PPP4R4: variants seen among roughly 807,000 people sequenced by gnomAD.
PPP4R4 encodes protein phosphatase 4 regulatory subunit 4.
Under a neutral mutation model 121.8 loss-of-function variants are expected in PPP4R4, and 70 were observed. That is an observed-to-expected ratio of 0.57 (90% CI 0.47 to 0.70). The LOEUF is 0.70. Ranked by LOEUF, PPP4R4 falls within the 30% of genes least tolerant of loss-of-function variation. PPP4R4 has a pLI of 0.00. For missense variants in PPP4R4, 875 were observed against 1,033.6 expected (o/e 0.85, Z 2.10); for synonymous variants, 348 against 355.7 (o/e 0.98, Z 0.24).
At chr14:94,174,688 G>A in intron 1 of PPP4R4, 106 bp downstream of exon 1, 1 of 1,462,992 alleles carries the variant, frequency 6.8e-7, no homozygotes, top group Non-Finnish European at 9.0e-7. Context: ...CCTCCGGGCC[G>A]CCGGGACCCT....
chr14:94,186,341 T>C (rs1299880881), intron 2 of PPP4R4, among the ~76,000 whole-genome samples: 1 of 152,248 alleles, frequency 6.6e-6, no homozygotes, highest in African/African-American at 2.4e-5. Flanking sequence ...TCTAGAATTT[T>C]ATAGAAATGG....
intron 3 of PPP4R4, among the ~76,000 whole-genome samples, chr14:94,228,982 A>G (rs370044773): frequency 2.4e-4 from 36 of 152,244 alleles, no homozygotes; most frequent in African/African-American, 8.4e-4. Flanking sequence ...TGAAAGAGGT[A>G]GGGGAGCCAG....
chr14:94,234,412 A>T (rs1892214270), intron 6 of PPP4R4, 150 bp from the exon 7 acceptor site: 1 of 578,796 alleles, frequency 1.7e-6, no homozygotes, highest in African/African-American at 1.9e-5. Flanking sequence ...AAATTTAATA[A>T]CATGTAAAAT....
At chr14:94,241,552 G>A (rs945971943) in intron 9 of PPP4R4, among the ~76,000 whole-genome samples, 10 of 151,862 alleles carry the variant, frequency 6.6e-5, no homozygotes, top group Non-Finnish European at 7.4e-5. Flanking sequence ...CAGTTCCTGC[G>A]TTATGTAAGT....
intron 14 of PPP4R4, among the ~76,000 whole-genome samples, chr14:94,248,326 A>T (rs750739086): frequency 1.3e-5 from 2 of 152,176 alleles, no homozygotes; most frequent in African/African-American, 2.4e-5. Context: ...GCCACAAAAA[A>T]AATATCCAGT....
At chr14:94,241,228 T>C (rs1892617897) in intron 9 of PPP4R4, among the ~76,000 whole-genome samples, 1 of 152,114 alleles carries the variant, frequency 6.6e-6, no homozygotes, top group South Asian at 2.1e-4. Context: ...TTCTTAGCTT[T>C]CCGTATCGAT....
intron 23 of PPP4R4, among the ~76,000 whole-genome samples, chr14:94,268,261 G>A (rs1481710043): frequency 1.3e-5 from 2 of 152,186 alleles, no homozygotes; most frequent in South Asian, 2.1e-4. Context: ...ATGTTCATAA[G>A]GGGTTCTTCA....
intron 3 of PPP4R4, chr14:94,227,346 A>AGG (rs1891772586): frequency 6.2e-7 from 1 of 1,612,320 alleles, no homozygotes; most frequent in Admixed American, 1.7e-5. Context: ...GTTTGTCCAG[A>AGG]GGGTGTGACT....
chr14:94,201,922 A>C (rs1312885729), intron 2 of PPP4R4, among the ~76,000 whole-genome samples: 1 of 148,778 alleles, frequency 6.7e-6, no homozygotes, highest in Non-Finnish European at 1.5e-5. Flanking sequence ...TAGATAAAGA[A>C]AATGTGTGTG....
rs1452859735 is a variant in PPP4R4, at chr14:94,272,854, C to T, written c.2450-2520C>T. 2.6e-5 allele frequency among the ~76,000 whole-genome samples: 4 copies of T among 152,254 alleles called. No homozygotes were observed. The East Asian group carries it at 5.8e-4, about 22-fold the overall frequency. ...TGGGCAAAGACTTGAATAAATACCT[C>T]ACTGAAGAAGATATATAGATGGAAA... On this transcript the variant is annotated intron_variant, in intron 23 of 24. Coordinates refer to ENST00000304338, the MANE Select transcript of PPP4R4 (RefSeq NM_058237.2).
At chr14:94,191,107 A>G (rs1244091100) in intron 2 of PPP4R4, among the ~76,000 whole-genome samples, 1 of 152,208 alleles carries the variant, frequency 6.6e-6, no homozygotes, top group African/African-American at 2.4e-5. Context: ...CAAAAAACCA[A>G]GGATTTATTA....
chr14:94,231,265 A>G lies in PPP4R4; in HGVS notation c.466A>G (p.Thr156Ala). 1 of 1,612,266 alleles carries G rather than the reference A, an allele frequency of 6.2e-7. No individual in the cohort carries two copies. Among genetic ancestry groups the G allele is most frequent in the South Asian group, 1.1e-5 (1 of 90,936 alleles). ...AGGTGTCAGCAATGCATGGCTGGAA[A>G]CTCTTCTGTCTGTTATAGAAGTATT... ...DTGVSNAWLE[T>A]LLSVIEVLPK... Residue 156 changes from threonine to alanine, a missense_variant, in exon 5 of 25, where the codon ACT (threonine) becomes GCT (alanine). Coordinates refer to ENST00000304338, the MANE Select transcript of PPP4R4 (RefSeq NM_058237.2).
intron 2 of PPP4R4, among the ~76,000 whole-genome samples, chr14:94,200,364 C>T (rs61980578): frequency 6.6e-6 from 1 of 152,142 alleles, no homozygotes; most frequent in African/African-American, 2.4e-5. Context: ...CTCAGAGCTC[C>T]AACACAGTGT....
chr14:94,241,450 T>C (rs986201325), intron 9 of PPP4R4, among the ~76,000 whole-genome samples: 1 of 152,086 alleles, frequency 6.6e-6, no homozygotes, highest in Non-Finnish European at 1.5e-5. Flanking sequence ...ACATTTACTA[T>C]AATAGCAGAT....
intron 2 of PPP4R4, among the ~76,000 whole-genome samples, chr14:94,177,690 A>G (rs1240081425): frequency 6.6e-6 from 1 of 152,230 alleles, no homozygotes; most frequent in Admixed American, 6.5e-5. Flanking sequence ...CGTATTCTAA[A>G]TATCAGTGAT....
intron 20 of PPP4R4, 150 bp downstream of exon 20, chr14:94,265,097 C>T (rs1893969867): frequency 1.1e-5 from 8 of 727,506 alleles, no homozygotes; most frequent in Non-Finnish European, 1.6e-5. Flanking sequence ...AAATTGGCCA[C>T]TTAATGTGGT....
chr14:94,235,451 G>A (rs1021361828), intron 7 of PPP4R4, among the ~76,000 whole-genome samples: 1 of 135,000 alleles, frequency 7.4e-6, no homozygotes, highest in Non-Finnish European at 1.5e-5. Context: ...CCAGGCTGGA[G>A]TGCAGTGGCG....
At position 94,245,369 on chromosome 14, in the gene PPP4R4, C is replaced by T. The variant is rs144077951; in HGVS notation, c.1345-218C>T. On this transcript the variant is annotated intron_variant, in intron 12 of 24. Coordinates refer to ENST00000304338, the MANE Select transcript of PPP4R4 (RefSeq NM_058237.2). ...AGACTATTTGGACAATGTCAAGAGG[C>T]AGGTACACTAATCTCTTTTTGAAGG... Among the ~76,000 whole-genome samples the T allele has an allele frequency of 1.8e-3, 268 of 152,138 alleles. 3 individuals are homozygous for T. In the South Asian group the frequency reaches 0.029, roughly 17 times the overall value.
In PPP4R4 at chr14:94,254,594, A is replaced by G. The variant is rs188928075; in HGVS notation, c.1866-1866A>G. On this transcript the variant is annotated intron_variant, in intron 16 of 24. Transcript: ENST00000304338. ...GTATATGAAGAATCCTCAAGTAAAA[A>G]TTCAGCTGAGAAAGTGTTCTGGAAA... 3.1e-3 allele frequency among the ~76,000 whole-genome samples: 469 copies of G among 152,320 alleles called. 5 individuals carry two copies. Among genetic ancestry groups the G allele is most frequent in the African/African-American group, 0.011 (440 of 41,558 alleles).
Sources: allele counts gnomAD v4.1 joint callset (sites outside exome capture counted in the v4.1 genomes callset), GRCh38; gene constraint gnomAD v4.1.1; transcripts MANE v1.5; gene names NCBI Gene and HGNC (gene_info 2026-07-23, HGNC 2026-07-21).